The following NRXN1 variants were observed in gnomAD, a reference collection of about 807,000 sequenced individuals.
NRXN1 encodes neurexin-1.
NRXN1 carries 39 observed loss-of-function variants against 150.9 expected under a neutral mutation model. That is an observed-to-expected ratio of 0.26 (90% CI 0.20 to 0.34). The LOEUF (loss-of-function observed/expected upper bound fraction) is 0.34. NRXN1 is among the 10% of genes least tolerant of loss of function. NRXN1 has a pLI of 1.00. For missense variants in NRXN1, 1,815 were observed against 1,949.9 expected, an observed-to-expected ratio of 0.93 and a Z score of 1.30; for synonymous variants, 924 against 757.0, an observed-to-expected ratio of 1.22 and a Z score of -3.62.
intron 5 of NRXN1, among the ~76,000 whole-genome samples, chr2:50,717,209 T>C (rs1243937924): frequency 2.0e-5 from 3 of 152,208 alleles, no homozygotes; most frequent in Non-Finnish European, 4.4e-5. Flanking sequence ...ATGTTTTAAA[T>C]ATTATTGGAT....
At chr2:49,948,519 A>G (rs1673356404) in intron 21 of NRXN1, among the ~76,000 whole-genome samples, 1 of 152,084 alleles carries the variant, frequency 6.6e-6, no homozygotes, top group Admixed American at 6.6e-5. Flanking sequence ...ACCAGCAACA[A>G]TCTTGAGAAT....
intron 5 of NRXN1, chr2:50,917,550 G>A (rs1334390296): frequency 4.6e-5 from 7 of 151,562 alleles, no homozygotes; most frequent in South Asian, 2.1e-4. Flanking sequence ...ACAAAATGAC[G>A]GATTAGGAGA....
chr2:50,238,373 A>G (rs1160424711), intron 17 of NRXN1, among the ~76,000 whole-genome samples: 1 of 151,988 alleles, frequency 6.6e-6, no homozygotes, highest in Non-Finnish European at 1.5e-5. Context: ...TTGTTTCTCC[A>G]GTTGTCAGTC....
intron 17 of NRXN1, among the ~76,000 whole-genome samples, chr2:50,399,774 T>A (rs1246915254): frequency 1.1e-5 from 1 of 91,568 alleles, no homozygotes; most frequent in Non-Finnish European, 2.0e-5. Flanking sequence ...CCCAGCTCTG[T>A]AACGAGAGAA....
intron 21 of NRXN1, among the ~76,000 whole-genome samples, chr2:49,957,048 T>C (rs552554161): frequency 5.7e-4 from 87 of 152,252 alleles, no homozygotes; most frequent in Middle Eastern, 6.8e-3. Flanking sequence ...CTGCTTTGAA[T>C]TGTGAAATTG....
At chr2:50,471,848 A>G (rs1056296303) in intron 16 of NRXN1, among the ~76,000 whole-genome samples, 5 of 151,844 alleles carry the variant, frequency 3.3e-5, no homozygotes, top group African/African-American at 1.2e-4. Flanking sequence ...GTTGACCTAC[A>G]TAACAAACTT....
In NRXN1 at chr2:50,620,140, G is replaced by A. The variant is rs796052764; in HGVS notation, c.1202C>T (p.Thr401Met). ...CCCCAGCATGGTATAATCTTCTTGC[G>A]TGTAGCCCGTTGTGGTAAGAATCCC... ...VDGILTTTGY[T>M]QEDYTMLGSD... Residue 401 changes from threonine (T) to methionine (M), a missense_variant, in exon 8 of 23, where the codon ACG (threonine) becomes ATG (methionine). Thr to Met is a moderately conservative substitution (Grantham distance 81, BLOSUM62 -1). This residue lies in a region of NRXN1 where 638 missense variants were observed against 652.6 expected (regional missense o/e 0.98). Coordinates refer to ENST00000401669, the MANE Select transcript of NRXN1 (RefSeq NM_001330078.2). 6 of 1,613,312 alleles carry A rather than the reference G, an allele frequency of 3.7e-6. No individual in the cohort carries two copies. Among genetic ancestry groups the A allele is most frequent in the Middle Eastern group, 1.6e-4 (1 of 6,082 alleles).
At chr2:50,448,973 CA>C (rs1329253177) in intron 17 of NRXN1, among the ~76,000 whole-genome samples, 2 of 152,122 alleles carry the variant, frequency 1.3e-5, no homozygotes, top group Non-Finnish European at 2.9e-5. Flanking sequence ...TCATGAACGC[CA>C]AATGACTGAC....
chr2:50,888,555 CCTCT>C (rs958692252), intron 5 of NRXN1, among the ~76,000 whole-genome samples: 5 of 151,098 alleles, frequency 3.3e-5, no homozygotes, highest in Non-Finnish European at 7.4e-5. Flanking sequence ...TCTTTTCCTC[CCTCT>C]CTCTCTCACT....
At chr2:50,461,725 C>A (rs777529910) in intron 17 of NRXN1, among the ~76,000 whole-genome samples, 5 of 152,106 alleles carry the variant, frequency 3.3e-5, no homozygotes, top group Non-Finnish European at 7.4e-5. Context: ...GTCCAGCACA[C>A]TGTTTCCTAC....
chr2:50,747,379 T>C (rs1286299212), intron 5 of NRXN1, among the ~76,000 whole-genome samples: 1 of 152,190 alleles, frequency 6.6e-6, no homozygotes, highest in Non-Finnish European at 1.5e-5. Flanking sequence ...TGAGGTTTCC[T>C]AATTTATAGA....
chr2:50,288,783 T>A (rs2072526254), intron 17 of NRXN1, among the ~76,000 whole-genome samples: 1 of 152,156 alleles, frequency 6.6e-6, no homozygotes, highest in African/African-American at 2.4e-5. Context: ...ACGTGGGAAT[T>A]ATGGGATGTA....
chr2:50,934,227 AT>A (rs986043488), intron 2 of NRXN1, among the ~76,000 whole-genome samples: 9 of 152,076 alleles, frequency 5.9e-5, no homozygotes, highest in East Asian at 3.9e-4. Flanking sequence ...CAATAAAAAT[AT>A]TTTTTCTACA....
At chr2:50,618,379 CCT>C (rs1679383146) in intron 8 of NRXN1, among the ~76,000 whole-genome samples, 1 of 152,060 alleles carries the variant, frequency 6.6e-6, no homozygotes, top group African/African-American at 2.4e-5. Context: ...CTCATCTCAC[CCT>C]CTTTTTAAAT....
rs528147480 is a variant in NRXN1 at position 50,241,853 on chromosome 2, G to T, written c.3365-4883C>A. The stretch of plus-strand genomic sequence containing the variant: ...TTCAGCCTCACGTCAATTCTGCAAA[G>T]GCTAACATATTCCCTTACATAGATT... On this transcript the variant is annotated intron_variant, in intron 17 of 22. Coordinates refer to ENST00000401669, the MANE Select transcript of NRXN1 (RefSeq NM_001330078.2). Among the ~76,000 whole-genome samples the T allele has an allele frequency of 9.1e-4, 138 of 151,772 alleles. 2 individuals are homozygous for T. The South Asian group carries it at 0.028, about 31-fold the overall frequency.
chr2:50,313,779 A>G lies in NRXN1; in HGVS notation c.3365-76809T>C, dbSNP rs114807297. Among the ~76,000 whole-genome samples, 755 of 152,206 alleles carry G rather than the reference A, an allele frequency of 5.0e-3. 5 individuals carry two copies. Among genetic ancestry groups the G allele is most frequent in the Non-Finnish European group, 7.9e-3 (534 of 67,992 alleles). On this transcript the variant is annotated intron_variant, in intron 17 of 22. Transcript: ENST00000401669. ...GATATTTAGTGTCTTTAGGGAAGAA[A>G]AAGTATGAAGAAAGGCAGCTAAGGA...
At chr2:50,453,595 C>A (rs1181286481) in intron 17 of NRXN1, among the ~76,000 whole-genome samples, 1 of 152,154 alleles carries the variant, frequency 6.6e-6, no homozygotes, top group African/African-American at 2.4e-5. Context: ...CAAACTAAGT[C>A]TCTTGTTCTT....
chr2:50,246,544 C>A (rs1159979811), intron 17 of NRXN1, among the ~76,000 whole-genome samples: 5 of 151,960 alleles, frequency 3.3e-5, no homozygotes, highest in African/African-American at 1.2e-4. Context: ...TCATTCTTTA[C>A]CTGACTAGGC....
chr2:50,741,777 A>C (rs1699461279), intron 5 of NRXN1, among the ~76,000 whole-genome samples: 1 of 152,132 alleles, frequency 6.6e-6, no homozygotes. Flanking sequence ...GAATGTTACC[A>C]TCACTAGGAT....
Sources: gnomAD v4.1 joint callset for allele counts (sites outside exome capture counted in the v4.1 genomes callset) on GRCh38, gnomAD v4.1.1 for gene constraint, gnomAD v4.1.1 regional missense constraint, MANE v1.5 for transcripts, NCBI Gene and HGNC (gene_info 2026-07-23, HGNC 2026-07-21) for gene names.